CCSER2: variants seen among roughly 807,000 people sequenced by gnomAD.
CCSER2 encodes the protein coiled-coil serine rich protein 2, also known as serine-rich coiled-coil domain-containing protein 2.
A neutral mutation model predicts 92.3 loss-of-function variants in CCSER2; 46 were observed. The observed-to-expected ratio is 0.50, with a 90% CI of 0.39 to 0.64. The LOEUF (loss-of-function observed/expected upper bound fraction) is 0.64. Ranked by LOEUF, CCSER2 falls within the 30% of genes least tolerant of loss-of-function variation. CCSER2 has a pLI of 0.00. For synonymous variants in CCSER2, 433 were observed against 431.4 expected (o/e 1.00, Z -0.04); for missense variants, 1,244 against 1,238.9 (o/e 1.00, Z -0.06).
chr10:84,443,625 C>A (rs9664543), intron 6 of CCSER2, among the ~76,000 whole-genome samples: 31,910 of 151,954 alleles, frequency 0.21, 3,607 homozygotes, highest in Admixed American at 0.34. Context: ...CATTTGATCC[C>A]GCAATCCCAT....
intron 3 of CCSER2, among the ~76,000 whole-genome samples, chr10:84,381,578 G>GTGGGGA (rs1840906415): frequency 6.6e-6 from 1 of 152,142 alleles, no homozygotes; most frequent in Non-Finnish European, 1.5e-5. Flanking sequence ...ATGCGAGGCA[G>GTGGGGA]AGGGTACCCA....
intron 9 of CCSER2, among the ~76,000 whole-genome samples, chr10:84,493,419 TTC>T (rs2131811628): frequency 6.6e-6 from 1 of 152,360 alleles, no homozygotes; most frequent in South Asian, 2.1e-4. Context: ...TTTCTTGATT[TTC>T]TCTGTTTTTC....
At chr10:84,484,170 G>A (rs1847661123) in intron 9 of CCSER2, among the ~76,000 whole-genome samples, 1 of 151,022 alleles carries the variant, frequency 6.6e-6, no homozygotes, top group African/African-American at 2.4e-5. Flanking sequence ...TAGAGACGGG[G>A]TTTCACCGCG....
At chr10:84,460,087 A>ATTT (rs34335757) in intron 6 of CCSER2, among the ~76,000 whole-genome samples, 16,632 of 103,134 alleles carry the variant, frequency 0.16, 2,312 homozygotes, top group Admixed American at 0.26. Flanking sequence ...TGATTCTTCG[A>ATTT]TTTTTTTTTT....
At position 84,448,765 on chromosome 10, in the gene CCSER2, A is replaced by G. The variant is rs1185753824; in HGVS notation, c.2064+10058A>G. 5.3e-5 allele frequency among the ~76,000 whole-genome samples: 8 copies of G among 152,252 alleles called. 1 individual carries two copies. The South Asian group carries it at 1.2e-3, about 24-fold the overall frequency. The stretch of plus-strand genomic sequence containing the variant: ...TTTCTCAAACCCGGCCCAGGCAACC[A>G]CTATTCTGCTTTTGGTTCTAAAGTT... On this transcript the variant is annotated intron_variant, in intron 6 of 9. Coordinates refer to ENST00000372088, the MANE Select transcript of CCSER2 (RefSeq NM_001284240.2).
chr10:84,385,473 C>T (rs1394279778), intron 3 of CCSER2, among the ~76,000 whole-genome samples: 1 of 152,160 alleles, frequency 6.6e-6, no homozygotes, highest in Admixed American at 6.5e-5. Flanking sequence ...TCTGACTGAA[C>T]TTCGACAGAA....
At chr10:84,391,672 A>G in intron 3 of CCSER2, 2 of 1,531,020 alleles carry the variant, frequency 1.3e-6, no homozygotes, top group Non-Finnish European at 1.8e-6. Context: ...CACCAAAGAC[A>G]TTGTTAGAGA....
At chr10:84,443,338 A>G (rs1433375613) in intron 6 of CCSER2, among the ~76,000 whole-genome samples, 1 of 152,264 alleles carries the variant, frequency 6.6e-6, no homozygotes, top group African/African-American at 2.4e-5. Flanking sequence ...GGCAAAGGAT[A>G]TGAACAGACA....
chr10:84,355,780 T>C lies in CCSER2; in HGVS notation c.-39-15234T>C, dbSNP rs182889940. Among the ~76,000 whole-genome samples, 187 of 152,324 alleles carry C rather than the reference T, an allele frequency of 1.2e-3. 1 individual carries two copies. Among genetic ancestry groups the C allele is most frequent in the South Asian group, 2.9e-3 (14 of 4,826 alleles). ...GTACTGTATGTACCTTCTTTATTTT[T>C]CAGGATCTTGTCTTATAGTTACTTT... On this transcript the variant is annotated intron_variant, in intron 1 of 9. Transcript: ENST00000372088.
At chr10:84,353,322 C>T (rs1485475734) in intron 1 of CCSER2, among the ~76,000 whole-genome samples, 2 of 151,966 alleles carry the variant, frequency 1.3e-5, no homozygotes, top group East Asian at 3.9e-4. Context: ...AGATAGCAGC[C>T]CGAGCCAGCC....
chr10:84,382,531 T>C (rs868845403), intron 3 of CCSER2, among the ~76,000 whole-genome samples: 1 of 152,220 alleles, frequency 6.6e-6, no homozygotes. Flanking sequence ...TTTTCTCTTG[T>C]AAACACAGTG....
chr10:84,473,870 A>G (rs1048337653), intron 8 of CCSER2, among the ~76,000 whole-genome samples: 23 of 152,170 alleles, frequency 1.5e-4, no homozygotes, highest in Non-Finnish European at 2.5e-4. Context: ...GGTGATTTCC[A>G]ATTTCCCTTT....
chr10:84,451,975 G>A (rs559561123), intron 6 of CCSER2, among the ~76,000 whole-genome samples: 1 of 152,198 alleles, frequency 6.6e-6, no homozygotes, highest in East Asian at 1.9e-4. Context: ...ATTATTTGTA[G>A]TGCACATTCT....
At chr10:84,334,307 T>G (rs1310308824) in intron 1 of CCSER2, among the ~76,000 whole-genome samples, 1 of 152,112 alleles carries the variant, frequency 6.6e-6, no homozygotes, top group Non-Finnish European at 1.5e-5. Context: ...GCTTCTGACT[T>G]CTGCTTGCTA....
intron 9 of CCSER2, among the ~76,000 whole-genome samples, chr10:84,479,730 T>A (rs1403192799): frequency 2.6e-5 from 4 of 152,208 alleles, no homozygotes; most frequent in Admixed American, 2.6e-4. Context: ...GTAAGCTCAC[T>A]CTTTTTCTGC....
At chr10:84,408,180 A>T (rs962296233) in intron 3 of CCSER2, among the ~76,000 whole-genome samples, 9 of 152,146 alleles carry the variant, frequency 5.9e-5, no homozygotes, top group African/African-American at 1.9e-4. Context: ...AATTAAAAAC[A>T]TAAGTATGTG....
Position 84,515,146 on chromosome 10 carries a change from G to C in CCSER2, c.*879G>C, listed in dbSNP as rs572137855. 1 of 152,624 alleles carries C rather than the reference G, an allele frequency of 6.6e-6. No homozygotes were observed. Among genetic ancestry groups the C allele is most frequent in the Non-Finnish European group, 1.5e-5 (1 of 68,012 alleles). 9.5% of individuals were successfully genotyped at this position (152,624 alleles called of 1,614,324 possible). ...CCCTTAGGCTTGTGGATCCATGATA[G>C]CCATTTTAAGGTTCCACAGCATTAT... On this transcript the variant is annotated 3_prime_UTR_variant, in exon 10 of 10. Transcript: ENST00000372088.
At chr10:84,418,671 G>A (rs888556949) in intron 4 of CCSER2, among the ~76,000 whole-genome samples, 1 of 152,154 alleles carries the variant, frequency 6.6e-6, no homozygotes, top group African/African-American at 2.4e-5. Flanking sequence ...GAGGGGAGGT[G>A]TCTGTTCCAG....
intron 3 of CCSER2, among the ~76,000 whole-genome samples, chr10:84,379,069 A>G (rs76754493): frequency 0.024 from 3,623 of 152,260 alleles, 136 homozygotes; most frequent in African/African-American, 0.082. Flanking sequence ...TTCCTTAGGT[A>G]TGTAAAAGAA....
Sources: gnomAD v4.1 joint callset for allele counts (sites outside exome capture counted in the v4.1 genomes callset) on GRCh38, gnomAD v4.1.1 for gene constraint, MANE v1.5 for transcripts, NCBI Gene and HGNC (gene_info 2026-07-23, HGNC 2026-07-21) for gene names.